The following ADAM28 variants were observed in gnomAD, a reference collection of about 807,000 sequenced individuals.
The protein encoded by ADAM28 is ADAM metallopeptidase domain 28, also known as disintegrin and metalloproteinase domain-containing protein 28.
In ADAM28, 105 loss-of-function variants were observed where a neutral mutation model predicts 101.2. The ratio of observed to expected loss-of-function variants is 1.04; its 90% CI spans 0.89 to 1.22. The LOEUF is 1.22. Ranked by LOEUF, ADAM28 falls within the 50% of genes most tolerant of loss-of-function variation. The pLI is 0.00. For synonymous variants in ADAM28, 322 were observed against 310.6 expected, an observed-to-expected ratio of 1.04 and a Z score of -0.39; for missense variants, 1,028 against 945.4, an observed-to-expected ratio of 1.09 and a Z score of -1.15.
At chr8:24,309,251 T>G (rs1810109178) in intron 2 of ADAM28, among the ~76,000 whole-genome samples, 1 of 152,206 alleles carries the variant, frequency 6.6e-6, no homozygotes, top group African/African-American at 2.4e-5. Context: ...TTCTTGATGG[T>G]TCTTCCTCAC....
At chr8:24,353,982 C>A in intron 22 of ADAM28, 150 bp downstream of exon 22, 3 of 539,990 alleles carry the variant, frequency 5.6e-6, no homozygotes, top group Non-Finnish European at 9.8e-6. Flanking sequence ...TCTTATTTCT[C>A]GGTATGGCCA....
At chr8:24,296,645 T>G (rs62502709) in intron 1 of ADAM28, among the ~76,000 whole-genome samples, 2 of 152,120 alleles carry the variant, frequency 1.3e-5, no homozygotes, top group African/African-American at 4.8e-5. Flanking sequence ...CTCAAAACAG[T>G]CAAAAATAAT....
chr8:24,310,027 G>A (rs1374750333), intron 3 of ADAM28, 57 bp downstream of exon 3: 2 of 1,473,798 alleles, frequency 1.4e-6, no homozygotes, highest in Non-Finnish European at 1.9e-6. Context: ...CCTATGGAGA[G>A]TGTGCTGAGT....
At chr8:24,342,874 AT>A (rs1354517332) in intron 16 of ADAM28, 1 of 687,972 alleles carries the variant, frequency 1.5e-6, no homozygotes, top group African/African-American at 1.8e-5. Flanking sequence ...AGTTGTTTGG[AT>A]TTTTAAAAAT....
chr8:24,350,102 G>T (rs1815902592), intron 19 of ADAM28, 130 bp downstream of exon 19: 4 of 732,708 alleles, frequency 5.5e-6, no homozygotes, highest in Non-Finnish European at 8.2e-6. Context: ...CATGCAGATG[G>T]TCTTTTTGGA....
In ADAM28 at chr8:24,354,433, A is replaced by G; in HGVS notation, c.*29A>G. The stretch of plus-strand genomic sequence containing the variant: ...AACAGCTAAGCAAGAACTAATGGCT[A>G]AATTATCAACTTGGAAAACTGGAAA... On this transcript the variant is annotated 3_prime_UTR_variant, in exon 23 of 23. Transcript: ENST00000265769. 1 of 1,600,138 alleles carries G rather than the reference A, an allele frequency of 6.2e-7. No individual in the cohort carries two copies. Among genetic ancestry groups the G allele is most frequent in the Non-Finnish European group, 8.5e-7 (1 of 1,172,750 alleles).
At chr8:24,326,521 AATTTGTTAC>A (rs769325153) in intron 9 of ADAM28, 24 bp from the exon 10 acceptor site, 8 of 1,595,096 alleles carry the variant, frequency 5.0e-6, no homozygotes, top group Non-Finnish European at 6.9e-6. Flanking sequence ...TTAGCATTAT[AATTTGTTAC>A]ATCAATTTAT....
chr8:24,341,978 CTG>C (rs1563319900), intron 16 of ADAM28, among the ~76,000 whole-genome samples: 1 of 152,108 alleles, frequency 6.6e-6, no homozygotes, highest in Admixed American at 6.6e-5. Flanking sequence ...TTCTCAAACA[CTG>C]TGGTGAAATT....
rs181963766 is a variant in ADAM28 at position 24,358,584 on chromosome 8, C to A, written c.*4180C>A. On this transcript the variant is annotated 3_prime_UTR_variant, in exon 23 of 23. Transcript: ENST00000265769. ...CTGTAGCCACGTTGGCACATCTGCC[C>A]TTGAATTCACTTTGTCTCTTTTGCT... is the stretch of plus-strand genomic sequence containing the variant. The A allele has an allele frequency of 9.2e-5, 14 of 152,266 alleles. No individual in the cohort carries two copies. Among genetic ancestry groups the A allele is most frequent in the Admixed American group, 9.2e-4 (14 of 15,288 alleles). The allele number at this position is 152,266 out of a possible 1,614,324, so 9.4% of individuals were successfully genotyped here. A position where few individuals can be genotyped will look rare whatever the true frequency, so the allele number is the denominator to read the frequency against.
At chr8:24,352,405 C>A (rs79864845) in intron 21 of ADAM28, among the ~76,000 whole-genome samples, 2,782 of 152,282 alleles carry the variant, frequency 0.018, 99 homozygotes, top group African/African-American at 0.064. Flanking sequence ...AAGGAGCTGG[C>A]AGATCCAGTG....
At chr8:24,297,166 T>TTGTTG (rs1554502787) in intron 1 of ADAM28, among the ~76,000 whole-genome samples, 9 of 151,638 alleles carry the variant, frequency 5.9e-5, no homozygotes, top group African/African-American at 1.9e-4. Flanking sequence ...TGGGTTTTTT[T>TTGTTG]TTGTTGTTGT....
intron 21 of ADAM28, 109 bp downstream of exon 21, chr8:24,352,161 C>G (rs1816234903): frequency 1.1e-6 from 1 of 927,860 alleles, no homozygotes; most frequent in South Asian, 1.6e-5. Flanking sequence ...ATATTGAAAT[C>G]TATGTGAATA....
intron 18 of ADAM28, among the ~76,000 whole-genome samples, chr8:24,347,492 T>A (rs1815543539): frequency 1.3e-5 from 2 of 152,098 alleles, no homozygotes; most frequent in African/African-American, 4.8e-5. Context: ...GGACTGTGAT[T>A]TTTTCATATA....
intron 18 of ADAM28, among the ~76,000 whole-genome samples, chr8:24,344,394 C>G (rs1006864612): frequency 6.6e-6 from 1 of 152,136 alleles, no homozygotes; most frequent in Non-Finnish European, 1.5e-5. Flanking sequence ...CATGTTCCTG[C>G]ATCCTCTGTT....
Position 24,323,954 on chromosome 8 carries a change from G to C in ADAM28, c.841G>C (p.Gly281Arg). The change falls in exon 9 of 23, where the codon GGG (glycine) becomes CGG (arginine). Residue 281 changes from glycine (G) to arginine (R), a missense_variant. Transcript: ENST00000265769. ...CTTGGAGAATTTTTCTAAATGGAGGGGGAGTGTTCTCTCAAGAAGAAAGCG... is the reference window on the plus strand; with the variant it reads ...CTTGGAGAATTTTTCTAAATGGAGGCGGAGTGTTCTCTCAAGAAGAAAGCG... Reference protein sequence around the residue: ...FTLENFSKWRGSVLSRRKRHD... With the variant: ...FTLENFSKWRRSVLSRRKRHD... 1 of 1,612,076 alleles carries C rather than the reference G, an allele frequency of 6.2e-7. No individual in the cohort carries two copies. Among genetic ancestry groups the C allele is most frequent in the Non-Finnish European group, 8.5e-7 (1 of 1,178,760 alleles).
chr8:24,310,717 C>A (rs943917464), intron 4 of ADAM28, among the ~76,000 whole-genome samples: 18 of 152,108 alleles, frequency 1.2e-4, no homozygotes, highest in African/African-American at 4.3e-4. Flanking sequence ...GCACCATTAC[C>A]TCTTTTTCTG....
At chr8:24,325,871 C>CAAAAAAAAAAACAAAAAA (rs1812477063) in intron 9 of ADAM28, among the ~76,000 whole-genome samples, 1 of 20,420 alleles carries the variant, frequency 4.9e-5, no homozygotes, top group African/African-American at 2.2e-4. Context: ...GTACAGATAG[C>CAAAAAAAAAAACAAAAAA]AAAAAAAAAA....
chr8:24,332,051 G>A (rs1356118267), intron 12 of ADAM28, among the ~76,000 whole-genome samples: 1 of 152,104 alleles, frequency 6.6e-6, no homozygotes, highest in Non-Finnish European at 1.5e-5. Flanking sequence ...TTTGAACTAA[G>A]GGCTAGAGTT....
chr8:24,332,272 A>G (rs1005188763), intron 12 of ADAM28, among the ~76,000 whole-genome samples: 3 of 152,196 alleles, frequency 2.0e-5, no homozygotes, highest in African/African-American at 7.2e-5. Context: ...TTAGCTTTTC[A>G]GTGGATATCC....
Sources: allele counts gnomAD v4.1 joint callset (sites outside exome capture counted in the v4.1 genomes callset), GRCh38; gene constraint gnomAD v4.1.1; transcripts MANE v1.5; gene names NCBI Gene and HGNC (gene_info 2026-07-23, HGNC 2026-07-21).